Variants in TBCK observed in about 807,000 individuals in gnomAD.
TBCK encodes the protein TBC1 domain containing kinase, also known as TBC domain-containing protein kinase-like protein.
Under a neutral mutation model 113.4 loss-of-function variants are expected in TBCK, and 99 were observed. The ratio of observed to expected loss-of-function variants is 0.87; its 90% confidence interval spans 0.74 to 1.03. The LOEUF (loss-of-function observed/expected upper bound fraction) is 1.03. TBCK is among the 50% of genes least tolerant of loss of function. The probability of loss-of-function intolerance (pLI) is 0.00; values close to 1 mark genes in which losing one functional copy is unlikely to be tolerated. For missense variants in TBCK, 1,045 were observed against 1,061.3 expected, an observed-to-expected ratio of 0.98 and a Z score of 0.21; for synonymous variants, 369 against 370.8, an observed-to-expected ratio of 1.00 and a Z score of 0.05.
chr4:106,095,724 C>T, intron 24 of TBCK, 83 bp from the exon 25 acceptor site: 1 of 1,252,182 alleles, frequency 8.0e-7, no homozygotes, highest in South Asian at 1.6e-5. Context: ...AAGTGACTCC[C>T]AGAAGATAGT....
At chr4:106,112,271 C>A (rs1245551144) in intron 24 of TBCK, among the ~76,000 whole-genome samples, 1 of 152,150 alleles carries the variant, frequency 6.6e-6, no homozygotes, top group East Asian at 1.9e-4. Flanking sequence ...GGCAGTATTG[C>A]CTTATCTATG....
intron 6 of TBCK, 110 bp from the exon 7 acceptor site, chr4:106,250,588 C>T (rs768410371): frequency 7.2e-5 from 42 of 584,534 alleles, no homozygotes; most frequent in African/African-American, 3.3e-4. Flanking sequence ...CTTTATTTAT[C>T]TCCAAAAGTT....
intron 19 of TBCK, among the ~76,000 whole-genome samples, chr4:106,224,546 A>G (rs1437417772): frequency 6.6e-6 from 1 of 152,170 alleles, no homozygotes; most frequent in African/African-American, 2.4e-5. Flanking sequence ...TTAAAACTCT[A>G]CAAAATAAAG....
At chr4:106,269,961 T>A (rs946200728) in intron 3 of TBCK, among the ~76,000 whole-genome samples, 7 of 152,110 alleles carry the variant, frequency 4.6e-5, no homozygotes, top group Non-Finnish European at 8.8e-5. Flanking sequence ...TAGACAGTGT[T>A]CCAACTTCAC....
intron 7 of TBCK, 29 bp from the exon 8 acceptor site, chr4:106,249,011 A>T: frequency 6.6e-7 from 1 of 1,517,564 alleles, no homozygotes; most frequent in Non-Finnish European, 9.0e-7. Context: ...ATATGAATAA[A>T]TGCTATTTTT....
chr4:106,150,010 CTT>C (rs1206192531), intron 23 of TBCK, among the ~76,000 whole-genome samples: 2 of 152,176 alleles, frequency 1.3e-5, no homozygotes, highest in Non-Finnish European at 2.9e-5. Flanking sequence ...ACATGAATGA[CTT>C]TAGAAATTCT....
At chr4:106,117,580 ATT>A (rs1743682073) in intron 23 of TBCK, among the ~76,000 whole-genome samples, 2 of 152,324 alleles carry the variant, frequency 1.3e-5, no homozygotes, top group South Asian at 4.1e-4. Context: ...ATTTACAATT[ATT>A]CTCTATGTTT....
At chr4:106,060,061 A>G (rs1445437677) in intron 25 of TBCK, among the ~76,000 whole-genome samples, 1 of 151,818 alleles carries the variant, frequency 6.6e-6, no homozygotes, top group East Asian at 1.9e-4. Flanking sequence ...GAAAAGTTGG[A>G]AGCTAGCAGA....
In TBCK at chr4:106,138,902, G is replaced by A. The variant is rs1010963074; in HGVS notation, c.2236-22524C>T. 4.3e-5 allele frequency among the ~76,000 whole-genome samples: 6 copies of A among 140,716 alleles called. 1 individual carries two copies. Among genetic ancestry groups the A allele is most frequent in the African/African-American group, 1.5e-4 (6 of 39,784 alleles). 92.3% of individuals were successfully genotyped at this position (140,716 alleles called of 152,430 possible). A position where few individuals can be genotyped will look rare whatever the true frequency, so the allele number is the denominator to read the frequency against. On this transcript the variant is annotated intron_variant, in intron 23 of 25. Transcript: ENST00000394708. ...GCACCGTTATGGTCAAGTTTCAATG[G>A]CAATACTGATCTGGAGTTTCAGTGA...
chr4:106,204,593 T>C (rs894414555), intron 20 of TBCK, among the ~76,000 whole-genome samples: 1 of 152,144 alleles, frequency 6.6e-6, no homozygotes, highest in Non-Finnish European at 1.5e-5. Flanking sequence ...AATATCTCTT[T>C]TAAAATTTGT....
intron 3 of TBCK, among the ~76,000 whole-genome samples, chr4:106,267,455 G>GACA (rs1262715183): frequency 7.2e-5 from 11 of 151,802 alleles, no homozygotes; most frequent in Admixed American, 2.0e-4. Flanking sequence ...TACTTAGAAG[G>GACA]ACAGATTTAC....
intron 25 of TBCK, among the ~76,000 whole-genome samples, chr4:106,088,788 T>C (rs1739818259): frequency 6.6e-6 from 1 of 152,276 alleles, no homozygotes; most frequent in East Asian, 1.9e-4. Flanking sequence ...GGGACATGGA[T>C]GAAGCTGGAA....
At chr4:106,205,476 G>A (rs986347343) in intron 20 of TBCK, among the ~76,000 whole-genome samples, 4 of 150,656 alleles carry the variant, frequency 2.7e-5, no homozygotes, top group Non-Finnish European at 5.9e-5. Context: ...AGGCACAGTG[G>A]ATCACGCTTG....
At chr4:106,104,622 A>C (rs1242129861) in intron 24 of TBCK, among the ~76,000 whole-genome samples, 5 of 152,070 alleles carry the variant, frequency 3.3e-5, no homozygotes, top group Non-Finnish European at 5.9e-5. Flanking sequence ...CACAGCATAG[A>C]TGCTCTACCA....
At chr4:106,300,734 T>G (rs1766851992) in intron 2 of TBCK, among the ~76,000 whole-genome samples, 1 of 152,178 alleles carries the variant, frequency 6.6e-6, no homozygotes, top group African/African-American at 2.4e-5. Context: ...AAGTCTATAA[T>G]CAGTTTACTT....
intron 25 of TBCK, among the ~76,000 whole-genome samples, chr4:106,089,720 C>T (rs1188906388): frequency 6.6e-6 from 1 of 152,204 alleles, no homozygotes; most frequent in Non-Finnish European, 1.5e-5. Context: ...AATACGCCCA[C>T]ACAAGTCTGA....
intron 20 of TBCK, among the ~76,000 whole-genome samples, chr4:106,206,930 A>G (rs1410189497): frequency 6.6e-6 from 1 of 152,060 alleles, no homozygotes; most frequent in Admixed American, 6.5e-5. Context: ...GTACTGATAC[A>G]CTCCTTATCA....
chr4:106,099,609 T>C lies in TBCK; in HGVS notation c.2412-3968A>G, dbSNP rs1269034389. On this transcript the variant is annotated intron_variant, in intron 24 of 25. Transcript: ENST00000394708. ...TGATTTTCTTTGCTAAATCTATTGA[T>C]AGTCTGAATGGCATCACCATCCCCC... Among the ~76,000 whole-genome samples, 3 of 152,196 alleles carry C rather than the reference T, an allele frequency of 2.0e-5. No homozygotes were observed. In the East Asian group the frequency reaches 5.8e-4, roughly 29 times the overall value.
chr4:106,193,662 C>T lies in TBCK; in HGVS notation c.2006G>A (p.Arg669Gln), dbSNP rs186168951. 26 of 1,613,426 alleles carry T rather than the reference C, an allele frequency of 1.6e-5. No individual in the cohort carries two copies. The highest frequency in any genetic ancestry group is 2.7e-5 in the African/African-American group (2 of 74,962). The change falls in exon 22 of 26, where the codon CGG (arginine) becomes CAG (glutamine). Residue 669 changes from arginine (R) to glutamine (Q), a missense_variant. By Grantham distance (43) the Arg-to-Gln change is conservative. Coordinates refer to ENST00000394708, the MANE Select transcript of TBCK (RefSeq NM_001163435.3). ...GVAILQQLRD[R>Q]LLANGFNECI... ...CTCATTAAAGCCATTAGCCAAAAGC[C>T]GGTCCCGCAGCTGCTGAAGAATTGC... is the stretch of plus-strand genomic sequence containing the variant.
Sources: allele counts gnomAD v4.1 joint callset (sites outside exome capture counted in the v4.1 genomes callset), GRCh38; gene constraint gnomAD v4.1.1; transcripts MANE v1.5; gene names NCBI Gene and HGNC (gene_info 2026-07-23, HGNC 2026-07-21).